DCAF8L2: variants seen among roughly 807,000 people sequenced by gnomAD.
DCAF8L2 encodes the protein DDB1- and CUL4-associated factor 8-like protein 2.
For missense variants in DCAF8L2, 430 were observed against 490.7 expected (o/e 0.88, Z 1.17); for synonymous variants, 200 against 190.9 (o/e 1.05, Z -0.39).
chrX:27,588,460 G>A (rs1429103308), upstream of DCAF8L2, among the ~76,000 whole-genome samples: 1 of 111,124 alleles, frequency 9.0e-6, no homozygotes, highest in African/African-American at 3.3e-5. Flanking sequence ...AACATAGGGT[G>A]CAGGTAGAAC....
At chrX:27,552,474 T>G in the DCAF8L2 span, among the ~76,000 whole-genome samples, 1 of 111,813 alleles carries the variant, frequency 8.9e-6, no homozygotes, top group Non-Finnish European at 1.9e-5. Flanking sequence ...GATTTTCATA[T>G]GTGTGAGAAA....
the DCAF8L2 span, among the ~76,000 whole-genome samples, chrX:27,551,192 A>T: frequency 5.5e-5 from 6 of 108,812 alleles, no homozygotes; most frequent in African/African-American, 1.7e-4. Context: ...CTCTACAAAG[A>T]CCTGTAACTG....
At position 27,696,754 on chromosome X, in the gene DCAF8L2, C is replaced by T. The variant is rs188873953; in HGVS notation, c.-143+18842C>T. Among the ~76,000 whole-genome samples the T allele has an allele frequency of 2.7e-5, 3 of 110,574 alleles. No individual in the cohort carries two copies. In the Admixed American group the frequency reaches 2.9e-4, roughly 11 times the overall value. ...AGCCTCTTCCTGTCAAGTGCAATAG[C>T]AAATCCTTCTGAAAGACTGTCAGTG... On this transcript the variant is annotated intron_variant, in intron 3 of 4. Transcript: ENST00000451261.
intron 3 of DCAF8L2, among the ~76,000 whole-genome samples, chrX:27,704,116 G>A (rs1298317034): frequency 3.0e-5 from 3 of 98,852 alleles, no homozygotes; most frequent in Non-Finnish European, 5.9e-5. Flanking sequence ...GGACACTTAG[G>A]CTATTACCAT....
chrX:27,590,989 TTTTATATA>T (rs2147105800), intron 1 of DCAF8L2, among the ~76,000 whole-genome samples: 1 of 16,187 alleles, frequency 6.2e-5, no homozygotes, highest in African/African-American at 3.1e-4. Context: ...AGCCTTTACA[TTTTATATA>T]TATATATATA....
the DCAF8L2 span, among the ~76,000 whole-genome samples, chrX:27,485,759 T>G: frequency 5.9e-4 from 65 of 110,760 alleles, no homozygotes; most frequent in African/African-American, 2.0e-3. Context: ...CTGCATGTAT[T>G]AAGCATTATC....
intron 4 of DCAF8L2, among the ~76,000 whole-genome samples, chrX:27,719,447 A>ATT (rs11292943): frequency 6.1e-5 from 3 of 49,097 alleles, no homozygotes; most frequent in Non-Finnish European, 1.1e-4. Flanking sequence ...TACCCATTTA[A>ATT]TTTTTTTTTT....
At chrX:27,496,148 A>G in the DCAF8L2 span, among the ~76,000 whole-genome samples, 58,395 of 110,256 alleles carry the variant, frequency 0.53, 12,828 homozygotes, top group South Asian at 0.77. Flanking sequence ...TTTTAAATCA[A>G]TTATTCCTTC....
At chrX:27,548,201 G>A in the DCAF8L2 span, among the ~76,000 whole-genome samples, 3 of 105,156 alleles carry the variant, frequency 2.9e-5, no homozygotes, top group Non-Finnish European at 6.0e-5. Context: ...GAATTTTTCC[G>A]ATACCGGAAG....
the DCAF8L2 span, among the ~76,000 whole-genome samples, chrX:27,540,657 C>A: frequency 9.0e-6 from 1 of 111,324 alleles, no homozygotes; most frequent in East Asian, 2.8e-4. Flanking sequence ...TGTTCTATAT[C>A]ACTATAGGAT....
At chrX:27,611,350 A>T (rs1219753611) in intron 1 of DCAF8L2, among the ~76,000 whole-genome samples, 4 of 81,775 alleles carry the variant, frequency 4.9e-5, no homozygotes, top group Non-Finnish European at 4.6e-5. Context: ...AAACTTCTTC[A>T]GATTCTTTTT....
chrX:27,574,687 T>C, the DCAF8L2 span, among the ~76,000 whole-genome samples: 5 of 112,013 alleles, frequency 4.5e-5, no homozygotes, highest in Non-Finnish European at 9.4e-5. Context: ...GTGACAGGTA[T>C]ATGCAGGACC....
In DCAF8L2 at chrX:27,600,479, T is replaced by A. The variant is rs766017946; in HGVS notation, c.-342+10039T>A. Among the ~76,000 whole-genome samples the A allele has an allele frequency of 7.1e-5, 8 of 111,960 alleles. No homozygotes were observed. In the South Asian group the frequency reaches 3.0e-3, roughly 42 times the overall value. On this transcript the variant is annotated intron_variant, in intron 1 of 4. Coordinates refer to ENST00000451261, the MANE Select transcript of DCAF8L2 (RefSeq NM_001353450.2). ...ATTGTAGCATGAGAGATTTATTTAA[T>A]TTGCATGAAACAAAAATGTCACACT...
chrX:27,486,167 G>A, the DCAF8L2 span, among the ~76,000 whole-genome samples: 4 of 107,850 alleles, frequency 3.7e-5, no homozygotes, highest in Non-Finnish European at 5.7e-5. Flanking sequence ...CACCATGCCC[G>A]GCTAATTTTT....
At chrX:27,605,788 G>T (rs1299035985) in intron 1 of DCAF8L2, among the ~76,000 whole-genome samples, 1 of 111,616 alleles carries the variant, frequency 9.0e-6, no homozygotes, top group African/African-American at 3.3e-5. Flanking sequence ...CAGAAATGAA[G>T]AATAAAATAG....
At chrX:27,716,616 A>T (rs1179336048) in intron 4 of DCAF8L2, among the ~76,000 whole-genome samples, 2 of 112,412 alleles carry the variant, frequency 1.8e-5, no homozygotes, top group Non-Finnish European at 3.8e-5. Flanking sequence ...ATCAGCTCCC[A>T]TAGGAAATGT....
upstream of DCAF8L2, among the ~76,000 whole-genome samples, chrX:27,589,330 T>C (rs763431179): frequency 5.6e-4 from 63 of 112,128 alleles, no homozygotes; most frequent in African/African-American, 2.0e-3. Context: ...AGAGAAACTA[T>C]GTTTTGTGGA....
chrX:27,576,486 T>C, the DCAF8L2 span, among the ~76,000 whole-genome samples: 1 of 112,338 alleles, frequency 8.9e-6, no homozygotes, highest in African/African-American at 3.2e-5. Context: ...TATGCAGTAT[T>C]AATACTAAGT....
chrX:27,549,603 A>T, the DCAF8L2 span, among the ~76,000 whole-genome samples: 2 of 107,429 alleles, frequency 1.9e-5, no homozygotes, highest in African/African-American at 6.7e-5. Flanking sequence ...AATGAATAAG[A>T]GAATGAATGA....
Sources: allele counts gnomAD v4.1 joint callset (sites outside exome capture counted in the v4.1 genomes callset), GRCh38; gene constraint gnomAD v4.1.1; transcripts MANE v1.5; gene names NCBI Gene and HGNC (gene_info 2026-07-23, HGNC 2026-07-21).